Variants in PCDHGA8 observed in about 807,000 individuals in gnomAD.
PCDHGA8 encodes the protein protocadherin gamma subfamily A, 8, also known as protocadherin gamma-A8.
In PCDHGA8, 45 loss-of-function variants were observed where a neutral mutation model predicts 59.2. The ratio of observed to expected loss-of-function variants is 0.76; its 90% CI spans 0.60 to 0.98. The LOEUF (loss-of-function observed/expected upper bound fraction) is 0.98. Ranked by LOEUF, PCDHGA8 falls within the 50% of genes least tolerant of loss-of-function variation. The pLI is 0.00. For synonymous variants in PCDHGA8, 531 were observed against 519.0 expected (o/e 1.02, Z -0.32); for missense variants, 1,257 against 1,196.2 (o/e 1.05, Z -0.75).
chr5:141,414,938 C>G (rs1407853248), intron 1 of PCDHGA8: 1 of 1,614,116 alleles, frequency 6.2e-7, no homozygotes, highest in Admixed American at 1.7e-5. Flanking sequence ...TCCGCAGAGC[C>G]CGGCTACCTG....
intron 1 of PCDHGA8, chr5:141,427,796 C>A: frequency 6.7e-7 from 1 of 1,502,108 alleles, no homozygotes; most frequent in Non-Finnish European, 9.2e-7. Flanking sequence ...CCTACGTGTC[C>A]GTGAGCGCAC....
At chr5:141,414,564 C>G in intron 1 of PCDHGA8, 1 of 1,613,948 alleles carries the variant, frequency 6.2e-7, no homozygotes, top group East Asian at 2.2e-5. Context: ...CCTACTTTAC[C>G]TATATCCCAG....
chr5:141,422,977 G>A (rs1434523351), intron 1 of PCDHGA8: 1 of 1,614,110 alleles, frequency 6.2e-7, no homozygotes, highest in Non-Finnish European at 8.5e-7. Context: ...CCGCTCTGCG[G>A]AACCTGGCTA....
chr5:141,400,217 T>G, intron 1 of PCDHGA8: 1 of 1,614,034 alleles, frequency 6.2e-7, no homozygotes, highest in Non-Finnish European at 8.5e-7. Context: ...TTGATCTCAG[T>G]GCTCTTCCTC....
intron 1 of PCDHGA8, chr5:141,478,165 C>A: frequency 1.2e-6 from 2 of 1,614,038 alleles, no homozygotes; most frequent in Non-Finnish European, 1.7e-6. Context: ...GCTCTGCCCC[C>A]CGGGAGCAGA....
chr5:141,455,006 G>A (rs1194194759), intron 1 of PCDHGA8, among the ~76,000 whole-genome samples: 2 of 150,910 alleles, frequency 1.3e-5, no homozygotes, highest in Non-Finnish European at 3.0e-5. Flanking sequence ...TAGAGACGGG[G>A]TTTCACCGTG....
chr5:141,428,267 T>C, intron 1 of PCDHGA8: 1 of 796,264 alleles, frequency 1.3e-6, no homozygotes, highest in Non-Finnish European at 2.1e-6. Context: ...GACAGTCCTG[T>C]GCCCTCTGAT....
chr5:141,410,086 G>C (rs759204005), intron 1 of PCDHGA8: 1 of 1,612,588 alleles, frequency 6.2e-7, no homozygotes, highest in Non-Finnish European at 8.5e-7. Flanking sequence ...AGGTGCGCAC[G>C]GCTCGAGCCT....
At chr5:141,427,954 T>G in intron 1 of PCDHGA8, 1 of 1,587,162 alleles carries the variant, frequency 6.3e-7, no homozygotes, top group Non-Finnish European at 8.6e-7. Context: ...AATGACAATG[T>G]GCCGCGGGTG....
At chr5:141,463,367 C>G (rs1437952082) in intron 1 of PCDHGA8, among the ~76,000 whole-genome samples, 1 of 151,748 alleles carries the variant, frequency 6.6e-6, no homozygotes, top group African/African-American at 2.4e-5. Context: ...CCTTTCCTGC[C>G]CCACAGTCTG....
In PCDHGA8 at chr5:141,474,831, G is replaced by A. The variant is rs188288898; in HGVS notation, c.2425-19976G>A. On this transcript the variant is annotated intron_variant, in intron 1 of 3. Coordinates refer to ENST00000398604, the MANE Select transcript of PCDHGA8 (RefSeq NM_032088.2). ...CATCATTAATTGAGGCTTACTCTGTGCCAGGCACTTTACCTGCCTTCTTCA... is the reference window on the plus strand; with the variant it reads ...CATCATTAATTGAGGCTTACTCTGTACCAGGCACTTTACCTGCCTTCTTCA... 5.3e-5 allele frequency among the ~76,000 whole-genome samples: 8 copies of A among 152,350 alleles called. No individual in the cohort carries two copies. The East Asian group carries it at 1.5e-3, about 29-fold the overall frequency.
chr5:141,492,461 G>T (rs1218833302), intron 1 of PCDHGA8, among the ~76,000 whole-genome samples: 1 of 152,212 alleles, frequency 6.6e-6, no homozygotes, highest in Non-Finnish European at 1.5e-5. Flanking sequence ...CGCGCCTGAG[G>T]GTCCCAGATC....
intron 1 of PCDHGA8, chr5:141,426,519 C>T: frequency 8.8e-6 from 3 of 341,848 alleles, no homozygotes; most frequent in South Asian, 6.9e-5. Flanking sequence ...TTACCGTGAA[C>T]ACGGAGAATG....
chr5:141,422,259 C>T (rs751340056), intron 1 of PCDHGA8: 2 of 1,565,034 alleles, frequency 1.3e-6, no homozygotes, highest in Non-Finnish European at 1.7e-6. Flanking sequence ...TGAATGATAA[C>T]GCTCCAGAAA....
At chr5:141,430,584 G>A (rs1451886397) in intron 1 of PCDHGA8, 3 of 495,136 alleles carry the variant, frequency 6.1e-6, no homozygotes, top group African/African-American at 5.9e-5. Flanking sequence ...GATCCTGCTC[G>A]CCTTGCACGC....
At chr5:141,452,227 T>C (rs2098736376) in intron 1 of PCDHGA8, among the ~76,000 whole-genome samples, 1 of 152,232 alleles carries the variant, frequency 6.6e-6, no homozygotes, top group African/African-American at 2.4e-5. Context: ...CTCTTCAAGC[T>C]GGTTCTTGTG....
intron 2 of PCDHGA8, among the ~76,000 whole-genome samples, chr5:141,503,432 TA>T (rs1423418926): frequency 6.6e-6 from 1 of 151,668 alleles, no homozygotes; most frequent in African/African-American, 2.4e-5. Flanking sequence ...CCATCTCTAC[TA>T]AAAATACAAA....
chr5:141,486,561 T>C lies in PCDHGA8; in HGVS notation c.2425-8246T>C. ...TTCTTTCAGAGGTCACATGAGGTGT[T>C]TGTTCCTGAGAACAATCGCCCAGGG... On this transcript the variant is annotated intron_variant, in intron 1 of 3. Transcript: ENST00000398604. This position sits in a 1 kb window ranked among gnomAD's most constrained non-coding sequence, Gnocchi z 5.0. 6.2e-7 allele frequency: 1 copy of C among 1,614,076 alleles called. No individual in the cohort carries two copies. Among genetic ancestry groups the C allele is most frequent in the Non-Finnish European group, 8.5e-7 (1 of 1,180,030 alleles).
chr5:141,427,881 C>T (rs774499492), intron 1 of PCDHGA8: 6 of 1,563,720 alleles, frequency 3.8e-6, no homozygotes, highest in South Asian at 3.3e-5. Context: ...GATGCAGGCC[C>T]ACGACCAGGG....
Sources: gnomAD v4.1 joint callset for allele counts (sites outside exome capture counted in the v4.1 genomes callset) on GRCh38, gnomAD v4.1.1 for gene constraint, Gnocchi (gnomAD v3.1) non-coding constraint, MANE v1.5 for transcripts, NCBI Gene and HGNC (gene_info 2026-07-23, HGNC 2026-07-21) for gene names.